WDR5B: variants seen among roughly 807,000 people sequenced by gnomAD.
The protein encoded by WDR5B is WD repeat-containing protein 5B.
In WDR5B, 17 loss-of-function variants were observed where a neutral mutation model predicts 24.0. That is an observed-to-expected ratio of 0.71 (90% CI 0.49 to 1.06). The LOEUF (loss-of-function observed/expected upper bound fraction) is 1.06. Among genes scored for constraint, WDR5B ranks in the 50% least tolerant of loss-of-function variants. WDR5B has a pLI of 0.00. For missense variants in WDR5B, 368 were observed against 384.1 expected, an observed-to-expected ratio of 0.96 and a Z score of 0.35; for synonymous variants, 150 against 146.4, an observed-to-expected ratio of 1.02 and a Z score of -0.18.
chr3:122,412,763 G>T lies in WDR5B; in HGVS notation c.*1773C>A, dbSNP rs2107703518. The T allele has an allele frequency of 6.6e-6, 1 of 152,324 alleles. No homozygotes were observed. The highest frequency in any genetic ancestry group is 1.5e-5 in the Non-Finnish European group (1 of 68,028). The allele number at this position is 152,324 out of a possible 1,614,324, so 9.4% of individuals were successfully genotyped here. On this transcript the variant is annotated 3_prime_UTR_variant, in exon 1 of 1. Transcript: ENST00000330689. ...AAAATCACAAGCACAATCTAAAAAG[G>T]TAGTGAAAGGTCCTTGAGAAACACC...
Position 122,414,968 on chromosome 3 carries a change from A to T in WDR5B, c.561T>A (p.Tyr187Ter). ...CSGSLIVSGS[Y>*]DGLCRIWDAA... ...CATCCCAGATTCTACAGAGGCCATC[A>T]TAGCTACCTGACACTATCAAGGACC... Residue 187 changes from tyrosine to a stop codon, truncating the protein, a stop_gained, in exon 1 of 1, where the codon TAT becomes TAA. Coordinates refer to ENST00000330689, the MANE Select transcript of WDR5B (RefSeq NM_019069.4). LOFTEE classifies it high-confidence loss of function. 6.2e-7 allele frequency: 1 copy of T among 1,614,230 alleles called. No homozygotes were observed. Among genetic ancestry groups the T allele is most frequent in the Non-Finnish European group, 8.5e-7 (1 of 1,180,044 alleles).
At position 122,414,557 on chromosome 3, in the gene WDR5B, T is replaced by C; in HGVS notation, c.972A>G (p.Lys324=). Residue 324 remains lysine, a synonymous_variant, in exon 1 of 1, where the codon AAA becomes AAG. Transcript: ENST00000330689. The stretch of plus-strand genomic sequence containing the variant: ...GGGATTAGTGGTTACTCATCCACAG[T>C]TTAATTGTTTTGTCATTTTCTAATG... ...SAALENDKTI[K]LWMSNH The C allele has an allele frequency of 3.7e-6, 6 of 1,613,986 alleles. No homozygotes were observed. Among genetic ancestry groups the C allele is most frequent in the Non-Finnish European group, 5.1e-6 (6 of 1,179,924 alleles).
In WDR5B at chr3:122,414,803, G is replaced by A. The variant is rs754266137; in HGVS notation, c.726C>T (p.Gly242=). ...GACCAGTGTATGTTTTCAGGCACCT[G>A]CCTCTGCTATAATCCCATAGTTTAA... ...NTLKLWDYSR[G]RCLKTYTGHK... Residue 242 remains glycine (G), a synonymous_variant, in exon 1 of 1, where the codon GGC becomes GGT. Coordinates refer to ENST00000330689, the MANE Select transcript of WDR5B (RefSeq NM_019069.4). 6.2e-7 allele frequency: 1 copy of A among 1,614,132 alleles called. No homozygotes were observed. The highest frequency in any genetic ancestry group is 1.1e-5 in the South Asian group (1 of 91,086).
Position 122,415,833 on chromosome 3 carries a change from C to G in WDR5B, c.-305G>C. Reference sequence around the variant, plus strand: ...CCGTTAATACATAAAGCCTTCAAAGCAGGGGCGACGCGAGGGGCACTCTCT... The same window carrying G: ...CCGTTAATACATAAAGCCTTCAAAGGAGGGGCGACGCGAGGGGCACTCTCT... On this transcript the variant is annotated 5_prime_UTR_variant, in exon 1 of 1. Coordinates refer to ENST00000330689, the MANE Select transcript of WDR5B (RefSeq NM_019069.4). The G allele has an allele frequency of 3.3e-6, 1 of 298,856 alleles. No individual in the cohort carries two copies. 18.5% of individuals were successfully genotyped at this position (298,856 alleles called of 1,614,324 possible). A position where few individuals can be genotyped will look rare whatever the true frequency, so the allele number is the denominator to read the frequency against.
In WDR5B at chr3:122,415,077, AT is replaced by A. The variant is rs765574134; in HGVS notation, c.451del (p.Ile151TyrfsTer4). 6.0e-5 allele frequency: 97 copies of A among 1,613,992 alleles called. No individual in the cohort carries two copies. Among genetic ancestry groups the A allele is most frequent in the Non-Finnish European group, 7.7e-5 (91 of 1,180,040 alleles). ...ACACTTTCCTGTTTTCACCTCCCAT[AT>A]TTTTACAGTCTCATCAAAAGATCCC... ...ISGSFDETVK[I>X]WEVKTGKCLK... On this transcript the variant is annotated frameshift_variant, in exon 1 of 1. Transcript: ENST00000330689. LOFTEE classifies it high-confidence loss of function.
chr3:122,414,668 T>C lies in WDR5B; in HGVS notation c.861A>G (p.Lys287=). ...GGCCTTGTAATTTCTGCACAATCTC[T>C]TTAGTCTGAAGGTTCCAAATGTAAA... is the stretch of plus-strand genomic sequence containing the variant. ...NLVYIWNLQT[K]EIVQKLQGHT... is the part of the protein sequence containing the mutation. The change falls in exon 1 of 1, where the codon AAA becomes AAG. Residue 287 remains lysine (K), a synonymous_variant. Transcript: ENST00000330689. 6.2e-7 allele frequency: 1 copy of C among 1,614,182 alleles called. No homozygotes were observed. The highest frequency in any genetic ancestry group is 8.5e-7 in the Non-Finnish European group (1 of 1,180,036).
rs1467256969 is a variant in WDR5B, at chr3:122,413,507, G to C, written c.*1029C>G. 2.0e-5 allele frequency: 3 copies of C among 152,308 alleles called. No individual in the cohort carries two copies. The highest frequency in any genetic ancestry group is 4.1e-4 in the South Asian group (2 of 4,836). 9.4% of individuals were successfully genotyped at this position (152,308 alleles called of 1,614,324 possible). On this transcript the variant is annotated 3_prime_UTR_variant, in exon 1 of 1. Transcript: ENST00000330689. ...TAATCCTAGCTACCTGGGATGTTGA[G>C]ACATGAGAACTGCTTGAACCCGGGA...
Position 122,415,003 on chromosome 3 carries a change from TA to T in WDR5B, c.525del (p.Phe175LeufsTer7), listed in dbSNP as rs775602296. On this transcript the variant is annotated frameshift_variant, in exon 1 of 1. Coordinates refer to ENST00000330689, the MANE Select transcript of WDR5B (RefSeq NM_019069.4). LOFTEE classifies it high-confidence loss of function. ...AHSDPVSAVH[F>X]NCSGSLIVSG... The stretch of plus-strand genomic sequence containing the variant: ...GACACTATCAAGGACCCACTACAAT[TA>T]AAATGAACAGCAGAAACTGGGTCAG... The T allele has an allele frequency of 1.9e-6, 3 of 1,614,010 alleles. No homozygotes were observed. In the African/African-American group the frequency reaches 4.0e-5, roughly 22 times the overall value.
rs899209119 is a variant in WDR5B, at chr3:122,415,686, G to C, written c.-158C>G. The C allele has an allele frequency of 5.6e-6, 5 of 894,088 alleles. No homozygotes were observed. Among genetic ancestry groups the C allele is most frequent in the Non-Finnish European group, 6.6e-6 (4 of 607,708 alleles). The allele number at this position is 894,088 out of a possible 1,614,324, so 55.4% of individuals were successfully genotyped here. ...AAAGTTTCTGGACAGTCTTTAAACT[G>C]TGAGACGGAATCAGCAGCACGGCTT... On this transcript the variant is annotated 5_prime_UTR_variant, in exon 1 of 1. Transcript: ENST00000330689.
chr3:122,415,078 T>C lies in WDR5B; in HGVS notation c.451A>G (p.Ile151Val). The C allele has an allele frequency of 1.9e-6, 3 of 1,613,960 alleles. No homozygotes were observed. Among genetic ancestry groups the C allele is most frequent in the Non-Finnish European group, 2.5e-6 (3 of 1,179,836 alleles). ...ISGSFDETVK[I>V]WEVKTGKCLK... The stretch of plus-strand genomic sequence containing the variant: ...CACTTTCCTGTTTTCACCTCCCATA[T>C]TTTTACAGTCTCATCAAAAGATCCC... Residue 151 changes from isoleucine to valine, a missense_variant, in exon 1 of 1, where the codon ATA (isoleucine) becomes GTA (valine). Ile to Val is a conservative substitution (Grantham distance 29, BLOSUM62 3). Coordinates refer to ENST00000330689, the MANE Select transcript of WDR5B (RefSeq NM_019069.4).
Position 122,412,337 on chromosome 3 carries a change from G to A in WDR5B, c.*2199C>T, listed in dbSNP as rs1237511129. On this transcript the variant is annotated 3_prime_UTR_variant, in exon 1 of 1. Transcript: ENST00000330689. Reference sequence around the variant, plus strand: ...AATAAAGTTAATGTGTGAGGTTACGGTTACTTTTTATTTTTAATCAACATG... The same window carrying A: ...AATAAAGTTAATGTGTGAGGTTACGATTACTTTTTATTTTTAATCAACATG... 6.6e-6 allele frequency: 1 copy of A among 152,146 alleles called. No individual in the cohort carries two copies. The highest frequency in any genetic ancestry group is 1.5e-5 in the Non-Finnish European group (1 of 68,042). The allele number at this position is 152,146 out of a possible 1,614,324, so 9.4% of individuals were successfully genotyped here.
chr3:122,412,958 C>T lies in WDR5B; in HGVS notation c.*1578G>A, dbSNP rs1394062106. 1 of 152,204 alleles carries T rather than the reference C, an allele frequency of 6.6e-6. No individual in the cohort carries two copies. The highest frequency in any genetic ancestry group is 1.5e-5 in the Non-Finnish European group (1 of 68,072). 9.4% of individuals were successfully genotyped at this position (152,204 alleles called of 1,614,324 possible). A position where few individuals can be genotyped will look rare whatever the true frequency, so the allele number is the denominator to read the frequency against. On this transcript the variant is annotated 3_prime_UTR_variant, in exon 1 of 1. Coordinates refer to ENST00000330689, the MANE Select transcript of WDR5B (RefSeq NM_019069.4). ...TGTCTCTCCAGTCCTCCACCAGCATCCCAGGCTTATGCACTTGTTCATCTG... is the reference window on the plus strand; with the variant it reads ...TGTCTCTCCAGTCCTCCACCAGCATTCCAGGCTTATGCACTTGTTCATCTG...
chr3:122,414,986 C>G lies in WDR5B; in HGVS notation c.543G>C (p.Leu181Phe). Residue 181 changes from leucine (L) to phenylalanine (F), a missense_variant, in exon 1 of 1, where the codon TTG becomes TTC. By Grantham distance (22) the Leu-to-Phe change is conservative. Transcript: ENST00000330689. ...GGCCATCATAGCTACCTGACACTATCAAGGACCCACTACAATTAAAATGAA... is the reference window on the plus strand; with the variant it reads ...GGCCATCATAGCTACCTGACACTATGAAGGACCCACTACAATTAAAATGAA... The part of the protein sequence containing the change: ...SAVHFNCSGS[L>F]IVSGSYDGLC... 2 of 1,614,162 alleles carry G rather than the reference C, an allele frequency of 1.2e-6. No homozygotes were observed. The highest frequency in any genetic ancestry group is 1.7e-6 in the Non-Finnish European group (2 of 1,180,020).
rs1327262927 is a variant in WDR5B, at chr3:122,414,777, T to C, written c.752A>G (p.His251Arg). 9 of 1,614,080 alleles carry C rather than the reference T, an allele frequency of 5.6e-6. No homozygotes were observed. The highest frequency in any genetic ancestry group is 1.1e-5 in the South Asian group (1 of 91,096). Residue 251 changes from histidine (H) to arginine (R), a missense_variant, in exon 1 of 1, where the codon CAT becomes CGT. Coordinates refer to ENST00000330689, the MANE Select transcript of WDR5B (RefSeq NM_019069.4). Reference sequence around the variant, plus strand: ...AAATATGCAATATTTCTCATTCTTATGACCAGTGTATGTTTTCAGGCACCT... The same window carrying C: ...AAATATGCAATATTTCTCATTCTTACGACCAGTGTATGTTTTCAGGCACCT... ...RGRCLKTYTGHKNEKYCIFAN... is the reference protein window; with the variant it reads ...RGRCLKTYTGRKNEKYCIFAN...
rs746952279 is a variant in WDR5B, at chr3:122,414,735, G to A, written c.794C>T (p.Thr265Ile). 7 of 1,614,142 alleles carry A rather than the reference G, an allele frequency of 4.3e-6. No individual in the cohort carries two copies. The South Asian group carries it at 4.4e-5, about 10-fold the overall frequency. ...ACCAGACACAATCCACTTTCCACCA[G>A]TAACTGAAAAATTGGCAAATATGCA... The part of the protein sequence containing the change: ...KYCIFANFSV[T>I]GGKWIVSGSE... The change falls in exon 1 of 1, where the codon ACT becomes ATT. Residue 265 changes from threonine (T) to isoleucine (I), a missense_variant. Coordinates refer to ENST00000330689, the MANE Select transcript of WDR5B (RefSeq NM_019069.4).
In WDR5B at chr3:122,412,542, G is replaced by T. The variant is rs1312073448; in HGVS notation, c.*1994C>A. On this transcript the variant is annotated 3_prime_UTR_variant, in exon 1 of 1. Coordinates refer to ENST00000330689, the MANE Select transcript of WDR5B (RefSeq NM_019069.4). The stretch of plus-strand genomic sequence containing the variant: ...TAATCTGGAAGCACAGCCCATGAAA[G>T]CATTTCAGTACAAACTGGTAAATAA... 1 of 152,144 alleles carries T rather than the reference G, an allele frequency of 6.6e-6. No homozygotes were observed. The highest frequency in any genetic ancestry group is 1.5e-5 in the Non-Finnish European group (1 of 68,020). The allele number at this position is 152,144 out of a possible 1,614,324, so 9.4% of individuals were successfully genotyped here. A position where few individuals can be genotyped will look rare whatever the true frequency, so the allele number is the denominator to read the frequency against.
In WDR5B at chr3:122,414,283, A is replaced by G. The variant is rs1448027003; in HGVS notation, c.*253T>C. 1 of 541,672 alleles carries G rather than the reference A, an allele frequency of 1.8e-6. No homozygotes were observed. Among genetic ancestry groups the G allele is most frequent in the African/African-American group, 1.9e-5 (1 of 52,598 alleles). The allele number at this position is 541,672 out of a possible 1,614,324, so 33.6% of individuals were successfully genotyped here. On this transcript the variant is annotated 3_prime_UTR_variant, in exon 1 of 1. Coordinates refer to ENST00000330689, the MANE Select transcript of WDR5B (RefSeq NM_019069.4). The stretch of plus-strand genomic sequence containing the variant: ...TAAGCCCAGATTTCACCACTATGCA[A>G]TATATCCCTGTAATAAAAGTGACAT...
chr3:122,414,078 G>C lies in WDR5B; in HGVS notation c.*458C>G, dbSNP rs1339553526. On this transcript the variant is annotated 3_prime_UTR_variant, in exon 1 of 1. Transcript: ENST00000330689. ...CATGGATGGACCTGGAGGCCATTAA[G>C]TGAAGTAATGATACAGAAAGTCAAA... is the stretch of plus-strand genomic sequence containing the variant. 1 of 163,000 alleles carries C rather than the reference G, an allele frequency of 6.1e-6. No individual in the cohort carries two copies. Among genetic ancestry groups the C allele is most frequent in the Non-Finnish European group, 1.3e-5 (1 of 74,590 alleles). 10.1% of individuals were successfully genotyped at this position (163,000 alleles called of 1,614,324 possible).
chr3:122,415,087 T>G lies in WDR5B; in HGVS notation c.442A>C (p.Thr148Pro), dbSNP rs749159612. Residue 148 changes from threonine (T) to proline (P), a missense_variant, in exon 1 of 1, where the codon ACT becomes CCT. Physicochemically the swap from Thr to Pro is conservative, Grantham distance 38 (BLOSUM62 -1). Coordinates refer to ENST00000330689, the MANE Select transcript of WDR5B (RefSeq NM_019069.4). ...NLIISGSFDE[T>P]VKIWEVKTGK... ...GTTTTCACCTCCCATATTTTTACAGTCTCATCAAAAGATCCCGAGATTATA... is the reference window on the plus strand; with the variant it reads ...GTTTTCACCTCCCATATTTTTACAGGCTCATCAAAAGATCCCGAGATTATA... 2.5e-6 allele frequency: 4 copies of G among 1,614,168 alleles called. No homozygotes were observed. The highest frequency in any genetic ancestry group is 3.4e-6 in the Non-Finnish European group (4 of 1,180,040).
Sources: gnomAD v4.1 joint callset for allele counts on GRCh38, gnomAD v4.1.1 for gene constraint, MANE v1.5 for transcripts, NCBI Gene and HGNC (gene_info 2026-07-23, HGNC 2026-07-21) for gene names.